TFPI: variants seen among roughly 807,000 people sequenced by gnomAD.
The protein encoded by TFPI is tissue factor pathway inhibitor.
In TFPI, 15 loss-of-function variants were observed where a neutral mutation model predicts 34.6. The observed-to-expected ratio is 0.43, with a 90% confidence interval of 0.29 to 0.67. The LOEUF (loss-of-function observed/expected upper bound fraction) is 0.67. TFPI is among the 30% of genes least tolerant of loss of function. TFPI has a pLI of 0.15. For synonymous variants in TFPI, 105 were observed against 120.1 expected, an observed-to-expected ratio of 0.87 and a Z score of 0.82; for missense variants, 301 against 364.0, an observed-to-expected ratio of 0.83 and a Z score of 1.41.
intron 4 of TFPI, among the ~76,000 whole-genome samples, chr2:187,486,246 T>G (rs184223402): frequency 6.6e-6 from 1 of 151,748 alleles, no homozygotes; most frequent in East Asian, 1.9e-4. Context: ...TTTAAAATGT[T>G]ATAACATTTT....
At chr2:187,553,061 T>C (rs114955294) in intron 1 of TFPI, among the ~76,000 whole-genome samples, 2,050 of 152,186 alleles carry the variant, frequency 0.013, 30 homozygotes, top group Non-Finnish European at 0.021. Context: ...AGATGAGATA[T>C]GGACACTGTA....
chr2:187,552,881 T>C (rs1689142855), intron 1 of TFPI, among the ~76,000 whole-genome samples: 1 of 152,076 alleles, frequency 6.6e-6, no homozygotes, highest in Non-Finnish European at 1.5e-5. Context: ...TTTTAAAGTT[T>C]TACTCTTATT....
intron 3 of TFPI, among the ~76,000 whole-genome samples, chr2:187,493,056 G>C (rs1336294524): frequency 6.6e-6 from 1 of 152,022 alleles, no homozygotes; most frequent in African/African-American, 2.4e-5. Flanking sequence ...CTGTGTCGGG[G>C]GTCTGACTCT....
intron 4 of TFPI, among the ~76,000 whole-genome samples, chr2:187,486,357 C>T (rs1184238734): frequency 6.6e-6 from 1 of 151,328 alleles, no homozygotes; most frequent in Admixed American, 6.6e-5. Flanking sequence ...GATACAAGAA[C>T]TTTATGTTTG....
intron 1 of TFPI, chr2:187,547,209 A>G (rs987808763): frequency 5.3e-5 from 8 of 150,954 alleles, no homozygotes; most frequent in Middle Eastern, 3.4e-3. Context: ...TATTTAGGGG[A>G]AAAAGGGGGC....
intron 1 of TFPI, among the ~76,000 whole-genome samples, chr2:187,506,988 C>T (rs1316263244): frequency 6.6e-6 from 1 of 152,092 alleles, no homozygotes; most frequent in Non-Finnish European, 1.5e-5. Flanking sequence ...ATGCACATGG[C>T]ATGTTGGTTT....
intron 1 of TFPI, among the ~76,000 whole-genome samples, chr2:187,551,858 A>T (rs560908713): frequency 6.6e-6 from 1 of 152,178 alleles, no homozygotes; most frequent in African/African-American, 2.4e-5. Context: ...GCAGCCTGCC[A>T]AATTTAATTC....
chr2:187,503,533 A>G, intron 2 of TFPI, 115 bp downstream of exon 2: 2 of 1,314,188 alleles, frequency 1.5e-6, no homozygotes, highest in African/African-American at 1.5e-5. Context: ...CCAAAGAAAA[A>G]TATCACTTCA....
At chr2:187,480,309 A>G (rs867204585) in intron 6 of TFPI, among the ~76,000 whole-genome samples, 30 of 152,068 alleles carry the variant, frequency 2.0e-4, no homozygotes, top group African/African-American at 6.8e-4. Flanking sequence ...TCTGAATCAC[A>G]TGGATAATAA....
At chr2:187,545,127 A>G (rs576395663) in intron 1 of TFPI, among the ~76,000 whole-genome samples, 3 of 152,308 alleles carry the variant, frequency 2.0e-5, no homozygotes, top group Admixed American at 2.0e-4. Context: ...AAGAAAAAAG[A>G]AAAAGAAAAA....
intron 6 of TFPI, among the ~76,000 whole-genome samples, chr2:187,474,857 A>G (rs1281124382): frequency 6.6e-6 from 1 of 152,164 alleles, no homozygotes; most frequent in East Asian, 1.9e-4. Context: ...ATCTGAATAT[A>G]AAGAGGAAAT....
rs548521600 is a variant in TFPI, at chr2:187,522,586, G to A, written c.-2-18816C>T. Among the ~76,000 whole-genome samples the A allele has an allele frequency of 1.3e-4, 20 of 151,846 alleles. 1 individual carries two copies. The highest frequency in any genetic ancestry group is 5.9e-4 in the Admixed American group (9 of 15,256). ...TCCTATCACAAAACAAACAGAAAAC[G>A]AAAACAAAATAAAAAGGCGGGGTGT... On this transcript the variant is annotated intron_variant, in intron 1 of 7. Coordinates refer to ENST00000233156, the MANE Select transcript of TFPI (RefSeq NM_006287.6).
intron 6 of TFPI, among the ~76,000 whole-genome samples, chr2:187,476,880 G>A (rs1692411885): frequency 6.6e-6 from 1 of 152,002 alleles, no homozygotes; most frequent in Non-Finnish European, 1.5e-5. Context: ...TTTGTAGCTT[G>A]CATAGTATTA....
chr2:187,510,302 C>T (rs2106154695), intron 1 of TFPI, among the ~76,000 whole-genome samples: 1 of 152,272 alleles, frequency 6.6e-6, no homozygotes, highest in South Asian at 2.1e-4. Context: ...ACTACTTGTC[C>T]TACCACTGTA....
chr2:187,482,939 A>C (rs555441233), intron 6 of TFPI, among the ~76,000 whole-genome samples: 1 of 151,902 alleles, frequency 6.6e-6, no homozygotes, highest in Non-Finnish European at 1.5e-5. Context: ...GTCTCTTTAC[A>C]CTTTTCATTT....
chr2:187,512,057 T>C (rs1686677452), intron 1 of TFPI, among the ~76,000 whole-genome samples: 1 of 152,138 alleles, frequency 6.6e-6, no homozygotes, highest in Non-Finnish European at 1.5e-5. Flanking sequence ...AATAACACTT[T>C]CTTGTTGTCA....
chr2:187,547,584 C>G (rs779006153), intron 1 of TFPI: 2 of 151,976 alleles, frequency 1.3e-5, no homozygotes, highest in Non-Finnish European at 2.9e-5. Flanking sequence ...TCTAAAGGAA[C>G]GAGAAGTCCT....
At chr2:187,520,369 G>A (rs929294950) in intron 1 of TFPI, among the ~76,000 whole-genome samples, 5 of 152,116 alleles carry the variant, frequency 3.3e-5, no homozygotes, top group African/African-American at 1.2e-4. Context: ...TCAGGGCACA[G>A]TTCCTCTTGG....
At chr2:187,471,806 A>T (rs948261452) in intron 6 of TFPI, among the ~76,000 whole-genome samples, 13 of 151,934 alleles carry the variant, frequency 8.6e-5, no homozygotes. Flanking sequence ...ATTCACTTTG[A>T]ATCTTTACTG....
Sources: allele counts gnomAD v4.1 joint callset (sites outside exome capture counted in the v4.1 genomes callset), GRCh38; gene constraint gnomAD v4.1.1; transcripts MANE v1.5; gene names NCBI Gene and HGNC (gene_info 2026-07-23, HGNC 2026-07-21).